Variants in KCNIP4 observed in about 807,000 individuals in gnomAD.
KCNIP4 encodes Kv channel-interacting protein 4.
A neutral mutation model predicts 34.0 loss-of-function variants in KCNIP4; 12 were observed. The ratio of observed to expected loss-of-function variants is 0.35; its 90% CI spans 0.23 to 0.57. The LOEUF (loss-of-function observed/expected upper bound fraction) is 0.57, where lower values mean the gene tolerates loss of function less well. KCNIP4 is among the 20% of genes least tolerant of loss of function. The pLI, the probability that KCNIP4 is intolerant of heterozygous loss-of-function variation, is 0.83. For missense variants in KCNIP4, 238 were observed against 311.7 expected, an observed-to-expected ratio of 0.76 and a Z score of 1.78; for synonymous variants, 124 against 102.2, an observed-to-expected ratio of 1.21 and a Z score of -1.29.
At chr4:21,899,266 G>A (rs755415543) in intron 1 of KCNIP4, among the ~76,000 whole-genome samples, 1 of 151,834 alleles carries the variant, frequency 6.6e-6, no homozygotes, top group Non-Finnish European at 1.5e-5. Context: ...CAAAAAACTG[G>A]GTATAAAAGG....
At chr4:21,000,354 G>C (rs114149591) in intron 1 of KCNIP4, among the ~76,000 whole-genome samples, 159 of 151,922 alleles carry the variant, frequency 1.0e-3, no homozygotes, top group African/African-American at 3.6e-3. Flanking sequence ...CAAGTCATGT[G>C]ACTCCTCTGC....
At chr4:21,912,465 A>G (rs1207144779) in intron 1 of KCNIP4, among the ~76,000 whole-genome samples, 2 of 152,220 alleles carry the variant, frequency 1.3e-5, no homozygotes, top group Non-Finnish European at 2.9e-5. Context: ...AGTGTAGGAA[A>G]CAAACAATAA....
chr4:21,179,119 C>T (rs1754655280), intron 1 of KCNIP4, among the ~76,000 whole-genome samples: 1 of 152,134 alleles, frequency 6.6e-6, no homozygotes, highest in Admixed American at 6.5e-5. Flanking sequence ...GCCCAGCAAA[C>T]ATCTATATTT....
At chr4:20,989,349 A>G (rs891188379) in intron 1 of KCNIP4, among the ~76,000 whole-genome samples, 2 of 152,218 alleles carry the variant, frequency 1.3e-5, no homozygotes, top group Non-Finnish European at 2.9e-5. Context: ...CAAATGCATA[A>G]AAAGGAGGTA....
At chr4:21,843,394 G>A (rs115152147) in intron 1 of KCNIP4, 1 of 152,022 alleles carries the variant, frequency 6.6e-6, no homozygotes, top group Non-Finnish European at 1.5e-5. Context: ...TTTAAGACAT[G>A]TTAGCCCAAA....
intron 1 of KCNIP4, among the ~76,000 whole-genome samples, chr4:21,108,137 A>G (rs1441253121): frequency 1.3e-5 from 2 of 151,368 alleles, no homozygotes; most frequent in African/African-American, 2.5e-5. Flanking sequence ...CCTGTATCTG[A>G]ATATTGGCCT....
At chr4:21,869,727 GA>G (rs1725650347) in intron 1 of KCNIP4, among the ~76,000 whole-genome samples, 4 of 143,494 alleles carry the variant, frequency 2.8e-5, no homozygotes, top group African/African-American at 1.1e-4. Flanking sequence ...GAGAGATAAG[GA>G]GATAGATAGA....
intron 1 of KCNIP4, among the ~76,000 whole-genome samples, chr4:21,882,119 G>A (rs1294608748): frequency 3.3e-5 from 5 of 152,142 alleles, no homozygotes; most frequent in Admixed American, 2.0e-4. Flanking sequence ...AGTATATTAT[G>A]TATGTGAGAT....
chr4:21,036,859 T>C (rs1161877185), intron 1 of KCNIP4, among the ~76,000 whole-genome samples: 1 of 152,228 alleles, frequency 6.6e-6, no homozygotes, highest in Non-Finnish European at 1.5e-5. Flanking sequence ...TCCCATAAGA[T>C]TATAATTAAA....
rs898456419 is a variant in KCNIP4 at position 21,332,294 on chromosome 4, ATT to A, written c.62-449587_62-449586del. Among the ~76,000 whole-genome samples the A allele has an allele frequency of 2.7e-5, 4 of 149,402 alleles. No individual in the cohort carries two copies. In the East Asian group the frequency reaches 7.8e-4, roughly 29 times the overall value. ...TACGGAAATTAACCCAAGGATTCTG[ATT>A]TTTTTTTATTGTTAGAAGAATGAAA... On this transcript the variant is annotated intron_variant, in intron 1 of 8. Transcript: ENST00000382152.
At chr4:21,253,350 G>A (rs774468667) in intron 1 of KCNIP4, among the ~76,000 whole-genome samples, 2 of 152,158 alleles carry the variant, frequency 1.3e-5, no homozygotes, top group Admixed American at 1.3e-4. Flanking sequence ...TTGCTAGAAA[G>A]TAATCTTCTG....
chr4:21,916,257 A>G (rs1166037201), intron 1 of KCNIP4, among the ~76,000 whole-genome samples: 1 of 152,230 alleles, frequency 6.6e-6, no homozygotes, highest in African/African-American at 2.4e-5. Context: ...GAATTTAGCC[A>G]ATAAAAATCT....
At chr4:21,685,321 A>G (rs560617840) in intron 1 of KCNIP4, among the ~76,000 whole-genome samples, 4 of 152,342 alleles carry the variant, frequency 2.6e-5, no homozygotes, top group African/African-American at 9.6e-5. Context: ...GCTGGCTTGT[A>G]AAAGTACTCA....
chr4:21,685,454 A>T (rs1750733047), intron 1 of KCNIP4, among the ~76,000 whole-genome samples: 1 of 152,114 alleles, frequency 6.6e-6, no homozygotes, highest in Non-Finnish European at 1.5e-5. Context: ...AGTTCAAGTC[A>T]TTTTCTTTGC....
intron 1 of KCNIP4, among the ~76,000 whole-genome samples, chr4:21,727,871 T>C (rs1715309211): frequency 6.6e-6 from 1 of 152,076 alleles, no homozygotes; most frequent in African/African-American, 2.4e-5. Flanking sequence ...AAAATGGTTA[T>C]TTGCCTTTGT....
chr4:21,339,841 A>C lies in KCNIP4; in HGVS notation c.62-457132T>G, dbSNP rs149382655. Among the ~76,000 whole-genome samples the C allele has an allele frequency of 2.6e-5, 4 of 152,300 alleles. No homozygotes were observed. The East Asian group carries it at 7.7e-4, about 29-fold the overall frequency. On this transcript the variant is annotated intron_variant, in intron 1 of 8. Transcript: ENST00000382152. ...TCTCTGAGAAAATATTCAGAATTTG[A>C]ATTACATAACTGGTGCTTACCAAAG... is the stretch of plus-strand genomic sequence containing the variant.
intron 1 of KCNIP4, among the ~76,000 whole-genome samples, chr4:21,038,865 T>C (rs1358389574): frequency 6.6e-6 from 1 of 152,194 alleles, no homozygotes; most frequent in East Asian, 1.9e-4. Flanking sequence ...AGCTGGAATC[T>C]CCAATCTAAA....
At chr4:20,859,063 G>A (rs956409932) in intron 2 of KCNIP4, among the ~76,000 whole-genome samples, 1 of 152,178 alleles carries the variant, frequency 6.6e-6, no homozygotes, top group South Asian at 2.1e-4. Context: ...CTAGCTGGCT[G>A]CTGAGCCTCC....
intron 1 of KCNIP4, among the ~76,000 whole-genome samples, chr4:21,070,968 C>T (rs1560694505): frequency 6.6e-6 from 1 of 151,976 alleles, no homozygotes; most frequent in Non-Finnish European, 1.5e-5. Context: ...AGCCACCATG[C>T]CTGGCCTGAG....
Sources: allele counts gnomAD v4.1 joint callset (sites outside exome capture counted in the v4.1 genomes callset), GRCh38; gene constraint gnomAD v4.1.1; transcripts MANE v1.5; gene names NCBI Gene and HGNC (gene_info 2026-07-23, HGNC 2026-07-21).